The following DGKB variants were observed in gnomAD, a reference collection of about 807,000 sequenced individuals.
DGKB encodes the protein diacylglycerol kinase beta.
Under a neutral mutation model 114.3 loss-of-function variants are expected in DGKB, and 67 were observed. The observed-to-expected ratio is 0.59, with a 90% confidence interval of 0.48 to 0.72. DGKB has a LOEUF of 0.72. Ranked by LOEUF, DGKB falls within the 30% of genes least tolerant of loss-of-function variation. The pLI is 0.00. For synonymous variants in DGKB, 398 were observed against 323.1 expected (o/e 1.23, Z -2.49); for missense variants, 907 against 975.2 (o/e 0.93, Z 0.93).
intron 2 of DGKB, among the ~76,000 whole-genome samples, chr7:14,826,742 C>A (rs1845755659): frequency 6.6e-6 from 1 of 152,094 alleles, no homozygotes; most frequent in Non-Finnish European, 1.5e-5. Context: ...ATAATAAGTA[C>A]TGGCTTGGTA....
intron 23 of DGKB, among the ~76,000 whole-genome samples, chr7:14,282,960 G>T (rs1158308273): frequency 6.6e-6 from 1 of 151,916 alleles, no homozygotes; most frequent in Non-Finnish European, 1.5e-5. Flanking sequence ...CACAAGACAG[G>T]GATGCCCTCT....
intron 12 of DGKB, among the ~76,000 whole-genome samples, chr7:14,680,118 T>C (rs535471064): frequency 1.3e-5 from 2 of 152,100 alleles, no homozygotes; most frequent in Non-Finnish European, 2.9e-5. Context: ...TTAGAGAGTT[T>C]AGTAAGAGGG....
chr7:14,607,325 C>A, intron 17 of DGKB, 109 bp downstream of exon 17: 3 of 629,722 alleles, frequency 4.8e-6, no homozygotes, highest in Non-Finnish European at 8.5e-6. Context: ...TTTTTATGTA[C>A]TAATATGCTG....
rs1167468281 is a variant in DGKB, at chr7:14,630,261, G to T, written c.1142C>A (p.Pro381His). ...CTCAGGAACTGAAACTCCTGAAGTGGGCAGAGTCTGCTGAAAAAGAGAAGT... is the reference window on the plus strand; with the variant it reads ...CTCAGGAACTGAAACTCCTGAAGTGTGCAGAGTCTGCTGAAAAAGAGAAGT... ...TTICPVVLTLPTSGVSVPEER... is the reference protein window; with the variant it reads ...TTICPVVLTLHTSGVSVPEER... The change falls in exon 14 of 26, where the codon CCC (proline) becomes CAC (histidine). Residue 381 changes from proline (P) to histidine (H), a missense_variant. Transcript: ENST00000402815. 1 of 1,556,948 alleles carries T rather than the reference G, an allele frequency of 6.4e-7. No homozygotes were observed. Among genetic ancestry groups the T allele is most frequent in the Non-Finnish European group, 8.7e-7 (1 of 1,150,918 alleles).
chr7:14,895,466 T>G (rs1488544411), intron 1 of DGKB, among the ~76,000 whole-genome samples: 2 of 151,630 alleles, frequency 1.3e-5, no homozygotes, highest in Non-Finnish European at 3.0e-5. Flanking sequence ...AATTATATTA[T>G]TCCTATTATG....
chr7:14,512,234 C>T (rs1393493133), intron 20 of DGKB, among the ~76,000 whole-genome samples: 2 of 152,132 alleles, frequency 1.3e-5, no homozygotes, highest in Non-Finnish European at 2.9e-5. Flanking sequence ...CACCAGCATA[C>T]TTATGTTTGC....
chr7:14,163,213 T>TTCC (rs1784155659), intron 25 of DGKB, among the ~76,000 whole-genome samples: 1 of 152,182 alleles, frequency 6.6e-6, no homozygotes, highest in East Asian at 1.9e-4. Context: ...TACTGCAAAT[T>TTCC]AATTGGAAAT....
chr7:14,437,283 T>A (rs1040269500), intron 21 of DGKB, among the ~76,000 whole-genome samples: 3 of 133,946 alleles, frequency 2.2e-5, no homozygotes, highest in Non-Finnish European at 3.5e-5. Context: ...AGTAACCAAG[T>A]CCATAAGAAT....
intron 2 of DGKB, among the ~76,000 whole-genome samples, chr7:14,780,111 T>C (rs1413044957): frequency 1.3e-5 from 2 of 152,186 alleles, no homozygotes; most frequent in East Asian, 3.9e-4. Flanking sequence ...AACAGTGATG[T>C]GCCTTCTGCA....
intron 23 of DGKB, among the ~76,000 whole-genome samples, chr7:14,245,305 G>C (rs1163434397): frequency 6.6e-6 from 1 of 152,186 alleles, no homozygotes; most frequent in African/African-American, 2.4e-5. Context: ...TTATTTAACA[G>C]TGATATCAGG....
chr7:14,463,374 C>A (rs1584135622), intron 21 of DGKB, among the ~76,000 whole-genome samples: 1 of 152,078 alleles, frequency 6.6e-6, no homozygotes, highest in South Asian at 2.1e-4. Flanking sequence ...CACATGTACC[C>A]CAGATTGGCT....
At chr7:14,478,269 C>A in intron 20 of DGKB, 44 bp from the exon 21 acceptor site, 1 of 1,166,344 alleles carries the variant, frequency 8.6e-7, no homozygotes, top group African/African-American at 1.6e-5. Context: ...GGTTTATGAT[C>A]CTATTATTTT....
intron 25 of DGKB, among the ~76,000 whole-genome samples, chr7:14,157,304 A>G (rs1783157912): frequency 6.6e-6 from 1 of 151,688 alleles, no homozygotes; most frequent in South Asian, 2.1e-4. Context: ...TACATGCTAA[A>G]TTTTTCAGGT....
At chr7:14,263,015 T>C (rs1796996110) in intron 23 of DGKB, among the ~76,000 whole-genome samples, 1 of 152,046 alleles carries the variant, frequency 6.6e-6, no homozygotes, top group South Asian at 2.1e-4. Context: ...GTTAACATCC[T>C]GAAGGGCTGC....
At position 14,548,943 on chromosome 7, in the gene DGKB, G is replaced by A. The variant is rs190470743; in HGVS notation, c.1770+25269C>T. On this transcript the variant is annotated intron_variant, in intron 20 of 25. Transcript: ENST00000402815. ...AGATCAGTTCTAGATGAGTGATCTA[G>A]GGCATGCTGTCTTCTGCACAGATGG... is the stretch of plus-strand genomic sequence containing the variant. Among the ~76,000 whole-genome samples the A allele has an allele frequency of 1.7e-4, 26 of 151,992 alleles. No homozygotes were observed. In the East Asian group the frequency reaches 4.1e-3, roughly 24 times the overall value.
chr7:14,688,117 G>T (rs988254267), intron 9 of DGKB, among the ~76,000 whole-genome samples: 1 of 152,092 alleles, frequency 6.6e-6, no homozygotes, highest in Non-Finnish European at 1.5e-5. Flanking sequence ...TTCATGTCTT[G>T]TCTTGTTTAT....
chr7:14,620,207 T>C (rs556541037), intron 15 of DGKB, among the ~76,000 whole-genome samples: 27 of 151,502 alleles, frequency 1.8e-4, no homozygotes, highest in African/African-American at 6.3e-4. Context: ...TTAAATTTTC[T>C]GTTCTCTAAT....
intron 4 of DGKB, among the ~76,000 whole-genome samples, chr7:14,751,251 G>C (rs1834083590): frequency 1.3e-5 from 2 of 152,074 alleles, no homozygotes; most frequent in Non-Finnish European, 2.9e-5. Flanking sequence ...AAAAACCCCA[G>C]CATTAGTTTT....
intron 21 of DGKB, among the ~76,000 whole-genome samples, chr7:14,358,681 A>T (rs1815082913): frequency 6.6e-6 from 1 of 152,170 alleles, no homozygotes; most frequent in South Asian, 2.1e-4. Context: ...GAGCCAAATC[A>T]TGAGTGAACT....
Sources: allele counts gnomAD v4.1 joint callset (sites outside exome capture counted in the v4.1 genomes callset), GRCh38; gene constraint gnomAD v4.1.1; transcripts MANE v1.5; gene names NCBI Gene and HGNC (gene_info 2026-07-23, HGNC 2026-07-21).